The following SWAP70 variants were observed in gnomAD, a reference collection of about 807,000 sequenced individuals.
The protein encoded by SWAP70 is switching B cell complex subunit SWAP70.
In SWAP70, 34 loss-of-function variants were observed where a neutral mutation model predicts 80.2. The ratio of observed to expected loss-of-function variants is 0.42; its 90% confidence interval spans 0.32 to 0.56. The LOEUF is 0.56. SWAP70 is among the 20% of genes least tolerant of loss of function. SWAP70 has a pLI of 0.09. For missense variants in SWAP70, 578 were observed against 690.7 expected, an observed-to-expected ratio of 0.84 and a Z score of 1.83; for synonymous variants, 239 against 238.5, an observed-to-expected ratio of 1.00 and a Z score of -0.02.
intron 3 of SWAP70, among the ~76,000 whole-genome samples, chr11:9,723,754 A>C (rs1590038777): frequency 1.5e-5 from 2 of 133,348 alleles, no homozygotes; most frequent in African/African-American, 2.8e-5. Flanking sequence ...AACTGCTGTT[A>C]TTTCTTTCCT....
chr11:9,694,128 T>C lies in SWAP70; in HGVS notation c.100-18T>C, dbSNP rs756084689. 7.2e-5 allele frequency: 113 copies of C among 1,579,554 alleles called. No homozygotes were observed. Among genetic ancestry groups the C allele is most frequent in the Non-Finnish European group, 8.5e-5 (99 of 1,164,034 alleles). On this transcript the variant is annotated intron_variant, in intron 1 of 11. Coordinates refer to ENST00000318950, the MANE Select transcript of SWAP70 (RefSeq NM_015055.4). ...CTGGTTAGTGGGAGTCTTTAAACGATTTTCTTTTCCCTTGCAGGTCCTTTC... is the reference window on the plus strand; with the variant it reads ...CTGGTTAGTGGGAGTCTTTAAACGACTTTCTTTTCCCTTGCAGGTCCTTTC...
chr11:9,695,535 C>T (rs1850745083), intron 2 of SWAP70, among the ~76,000 whole-genome samples: 1 of 150,886 alleles, frequency 6.6e-6, no homozygotes, highest in Non-Finnish European at 1.5e-5. Context: ...AAACCAGACA[C>T]CACGTGTTCT....
At chr11:9,676,322 A>G (rs1218103120) in intron 1 of SWAP70, among the ~76,000 whole-genome samples, 1 of 152,098 alleles carries the variant, frequency 6.6e-6, no homozygotes, top group African/African-American at 2.4e-5. Context: ...GTTGAATTCA[A>G]CGTTAGACAT....
chr11:9,748,967 A>G (rs1411357424), intron 10 of SWAP70, 120 bp from the exon 11 acceptor site: 2 of 469,200 alleles, frequency 4.3e-6, no homozygotes, highest in East Asian at 3.9e-5. Flanking sequence ...ACTTCTTAGA[A>G]TGGGCTATGA....
intron 3 of SWAP70, among the ~76,000 whole-genome samples, chr11:9,723,488 AG>A (rs1462787820): frequency 6.6e-6 from 1 of 152,140 alleles, no homozygotes; most frequent in African/African-American, 2.4e-5. Flanking sequence ...GAGCTCATTT[AG>A]GGAAATAAAA....
At chr11:9,743,334 A>G (rs1564835480) in intron 9 of SWAP70, among the ~76,000 whole-genome samples, 1 of 151,598 alleles carries the variant, frequency 6.6e-6, no homozygotes, top group Non-Finnish European at 1.5e-5. Flanking sequence ...AGTCTTTGCT[A>G]TTGTGAATAA....
At chr11:9,705,244 TTGGTGATCTGTATACAC>T (rs922680324) in intron 2 of SWAP70, among the ~76,000 whole-genome samples, 3 of 143,858 alleles carry the variant, frequency 2.1e-5, no homozygotes. Context: ...ATGTATATAC[TTGGTGATCTGTATACAC>T]TGGTGATATG....
chr11:9,745,591 T>C (rs1851501838), intron 9 of SWAP70, among the ~76,000 whole-genome samples: 1 of 152,230 alleles, frequency 6.6e-6, no homozygotes, highest in Admixed American at 6.5e-5. Flanking sequence ...TTAATGAATG[T>C]GAAGTGTCCA....
At chr11:9,675,780 T>G (rs1850492102) in intron 1 of SWAP70, among the ~76,000 whole-genome samples, 1 of 152,032 alleles carries the variant, frequency 6.6e-6, no homozygotes, top group East Asian at 1.9e-4. Flanking sequence ...CTGTGCACCT[T>G]CTACCGGGGA....
chr11:9,704,719 G>T (rs1005710915), intron 2 of SWAP70, among the ~76,000 whole-genome samples: 1 of 152,024 alleles, frequency 6.6e-6, no homozygotes, highest in Non-Finnish European at 1.5e-5. Context: ...CCCTTTATTG[G>T]AGCATTTGCA....
intron 1 of SWAP70, among the ~76,000 whole-genome samples, chr11:9,671,584 TTC>T (rs1565109578): frequency 0.013 from 472 of 36,944 alleles, 9 homozygotes; most frequent in African/African-American, 0.045. Context: ...AGAAATATAT[TTC>T]TATATATAAA....
At chr11:9,671,145 A>G (rs1294899799) in intron 1 of SWAP70, among the ~76,000 whole-genome samples, 4 of 131,520 alleles carry the variant, frequency 3.0e-5, no homozygotes, top group South Asian at 2.1e-4. Flanking sequence ...AAATATAAAT[A>G]TAAAAATATA....
chr11:9,675,412 A>G (rs1157139082), intron 1 of SWAP70, among the ~76,000 whole-genome samples: 6 of 125,022 alleles, frequency 4.8e-5, no homozygotes, highest in East Asian at 2.4e-4. Flanking sequence ...AGAGAGAGAG[A>G]GAGAGAGAGG....
At chr11:9,712,527 CTATT>C (rs890973373) in intron 2 of SWAP70, among the ~76,000 whole-genome samples, 20 of 143,040 alleles carry the variant, frequency 1.4e-4, no homozygotes, top group Non-Finnish European at 3.1e-4. Flanking sequence ...GACCTCATCT[CTATT>C]TATTTTTTAA....
At chr11:9,665,564 A>G (rs944967284) in intron 1 of SWAP70, among the ~76,000 whole-genome samples, 1 of 152,198 alleles carries the variant, frequency 6.6e-6, no homozygotes, top group Non-Finnish European at 1.5e-5. Context: ...ACTGTCGGCA[A>G]CCATTGATCT....
At chr11:9,721,042 C>T (rs909342634) in intron 3 of SWAP70, among the ~76,000 whole-genome samples, 9 of 152,222 alleles carry the variant, frequency 5.9e-5, no homozygotes, top group African/African-American at 2.2e-4. Flanking sequence ...TCTGGAACTC[C>T]TGGCTTCAGG....
chr11:9,671,751 A>AATATAAAATATATTTAT (rs1850407608), intron 1 of SWAP70, among the ~76,000 whole-genome samples: 1 of 3,232 alleles, frequency 3.1e-4, no homozygotes, highest in Non-Finnish European at 4.7e-4. Context: ...TAGAAATATA[A>AATATAAAATATATTTAT]ATATATAAAT....
chr11:9,725,527 C>CAA (rs1163528205), intron 4 of SWAP70, among the ~76,000 whole-genome samples: 2 of 76,336 alleles, frequency 2.6e-5, no homozygotes, highest in African/African-American at 1.0e-4. Context: ...ATTAAAAATA[C>CAA]AAAATATATA....
intron 3 of SWAP70, 23 bp downstream of exon 3, chr11:9,713,662 T>A (rs751317755): frequency 6.3e-7 from 1 of 1,596,870 alleles, no homozygotes; most frequent in Admixed American, 1.8e-5. Flanking sequence ...TTGGGGAGTT[T>A]TTACTTGGTC....
Sources: allele counts gnomAD v4.1 joint callset (sites outside exome capture counted in the v4.1 genomes callset), GRCh38; gene constraint gnomAD v4.1.1; transcripts MANE v1.5; gene names NCBI Gene and HGNC (gene_info 2026-07-23, HGNC 2026-07-21).